NOA1: variants seen among roughly 807,000 people sequenced by gnomAD.
The protein encoded by NOA1 is nitric oxide-associated protein 1.
A neutral mutation model predicts 58.4 loss-of-function variants in NOA1; 35 were observed. That is an observed-to-expected ratio of 0.60 (90% CI 0.46 to 0.79). The LOEUF is 0.79. Ranked by LOEUF, NOA1 falls within the 30% of genes least tolerant of loss-of-function variation. NOA1 has a pLI of 0.00. For missense variants in NOA1, 895 were observed against 894.6 expected (o/e 1.00, Z -0.01); for synonymous variants, 397 against 373.4 (o/e 1.06, Z -0.73).
At chr4:56,972,635 T>C (rs924347970) in intron 3 of NOA1, among the ~76,000 whole-genome samples, 1 of 152,166 alleles carries the variant, frequency 6.6e-6, no homozygotes, top group African/African-American at 2.4e-5. Flanking sequence ...CAGTTCAAGA[T>C]GGAGGACCCC....
At chr4:56,971,663 T>C (rs1721813409) in intron 3 of NOA1, among the ~76,000 whole-genome samples, 1 of 152,174 alleles carries the variant, frequency 6.6e-6, no homozygotes, top group South Asian at 2.1e-4. Context: ...TTAATGAATC[T>C]GTTGTGAGGC....
rs756945680 is a variant in NOA1, at chr4:56,973,939, CTTT to C, written c.1225_1227del (p.Lys409del). ...AGATCTTCTTCAGCTTGAGTTGAATCTTTTTTAAGTCTTTGATGCCTTTTAAAC... is the reference window on the plus strand; with the variant it reads ...AGATCTTCTTCAGCTTGAGTTGAATCTTTAAGTCTTTGATGCCTTTTAAAC... On this transcript the variant is annotated inframe_deletion, in exon 2 of 7. Coordinates refer to ENST00000264230, the MANE Select transcript of NOA1 (RefSeq NM_032313.4). The C allele has an allele frequency of 6.2e-7, 1 of 1,613,978 alleles. No homozygotes were observed. The highest frequency in any genetic ancestry group is 1.3e-5 in the African/African-American group (1 of 75,014).
chr4:56,973,522 T>G (rs1242479149), intron 2 of NOA1, among the ~76,000 whole-genome samples, 169 bp from the exon 3 acceptor site: 1 of 152,042 alleles, frequency 6.6e-6, no homozygotes. Context: ...GAGTCAACTC[T>G]TGCAATAATC....
Position 56,964,426 on chromosome 4 carries a change from T to A in NOA1, c.1865A>T (p.Asp622Val). The change falls in exon 6 of 7, where the codon GAC becomes GTC. Residue 622 changes from aspartate (D) to valine (V), a missense_variant. Around this residue, in one of 3 missense-constraint regions of NOA1, gnomAD observed 212 missense variants for 221.3 expected, o/e 0.96. Transcript: ENST00000264230. Reference protein sequence around the residue: ...EGLGASEAVADIKFSSAGWVS... With the variant: ...EGLGASEAVAVIKFSSAGWVS... ...ATTACCTGCAGAGGAAAACTTGATG[T>A]CGGCCACTGCTTCAGATGCCCCCAG... 1 of 1,614,146 alleles carries A rather than the reference T, an allele frequency of 6.2e-7. No individual in the cohort carries two copies. The highest frequency in any genetic ancestry group is 8.5e-7 in the Non-Finnish European group (1 of 1,180,016).
intron 3 of NOA1, among the ~76,000 whole-genome samples, chr4:56,968,940 T>C (rs568653662): frequency 6.6e-6 from 1 of 152,342 alleles, no homozygotes; most frequent in Non-Finnish European, 1.5e-5. Flanking sequence ...TAAGTATGCA[T>C]GCATTAAATG....
At chr4:56,967,379 C>CAAA (rs33995434) in intron 4 of NOA1, among the ~76,000 whole-genome samples, 4 of 123,206 alleles carry the variant, frequency 3.2e-5, no homozygotes, top group Non-Finnish European at 5.2e-5. Flanking sequence ...GATGCTGTTT[C>CAAA]AAAAAAAAAA....
chr4:56,969,851 G>T (rs1721784231), intron 3 of NOA1, among the ~76,000 whole-genome samples: 1 of 151,760 alleles, frequency 6.6e-6, no homozygotes, highest in African/African-American at 2.4e-5. Context: ...TGTGATCTTG[G>T]CTCACTGCAA....
Position 56,977,537 on chromosome 4 carries a change from C to G in NOA1, c.49G>C (p.Gly17Arg). Residue 17 changes from glycine (G) to arginine (R), a missense_variant, in exon 1 of 7, where the codon GGA (glycine) becomes CGA (arginine). Coordinates refer to ENST00000264230, the MANE Select transcript of NOA1 (RefSeq NM_032313.4). Reference sequence around the variant, plus strand: ...TGGCGCGCTGCCGTGGGAGCGGATCCACGAAGGAAAAGGCTCAGCAGCCTG... The same window carrying G: ...TGGCGCGCTGCCGTGGGAGCGGATCGACGAAGGAAAAGGCTCAGCAGCCTG... The part of the protein sequence containing the change: ...PFRLLSLFLR[G>R]SAPTAARHGL... 6.2e-7 allele frequency: 1 copy of G among 1,611,942 alleles called. No individual in the cohort carries two copies. The highest frequency in any genetic ancestry group is 8.5e-7 in the Non-Finnish European group (1 of 1,179,312).
At chr4:56,972,969 C>T (rs971246492) in intron 3 of NOA1, among the ~76,000 whole-genome samples, 179 bp downstream of exon 3, 1 of 152,202 alleles carries the variant, frequency 6.6e-6, no homozygotes, top group African/African-American at 2.4e-5. Flanking sequence ...GTTTCTGAGG[C>T]TGATATGACT....
chr4:56,970,292 C>A (rs114970335), intron 3 of NOA1, among the ~76,000 whole-genome samples: 1 of 151,816 alleles, frequency 6.6e-6, no homozygotes, highest in Non-Finnish European at 1.5e-5. Context: ...GGCAACATAG[C>A]GAGGTCCTGT....
In NOA1 at chr4:56,977,294, G is replaced by A. The variant is rs1721965095; in HGVS notation, c.292C>T (p.Gln98Ter). The A allele has an allele frequency of 2.5e-6, 4 of 1,613,876 alleles. No homozygotes were observed. The highest frequency in any genetic ancestry group is 3.4e-6 in the Non-Finnish European group (4 of 1,180,008). ...EKQLQELQQQQEEEERQRQQR... is the reference protein window; with the variant it reads ...EKQLQELQQQ ...TGCCTCTGTCGCTCCTCCTCCTCCT[G>A]CTGTTGCTGGAGCTCCTGCAGCTGC... The change falls in exon 1 of 7, where the codon CAG (glutamine) becomes TAG (stop). Residue 98 changes from glutamine to a stop codon, truncating the protein, a stop_gained. Transcript: ENST00000264230. LOFTEE classifies it high-confidence loss of function.
At chr4:56,973,745 A>C in intron 2 of NOA1, 113 bp downstream of exon 2, 1 of 995,616 alleles carries the variant, frequency 1.0e-6, no homozygotes, top group Non-Finnish European at 1.5e-6. Flanking sequence ...CAGAATAAGG[A>C]AGGCAGTCTC....
Position 56,977,150 on chromosome 4 carries a change from C to G in NOA1, c.436G>C (p.Ala146Pro). Residue 146 changes from alanine (A) to proline (P), a missense_variant, in exon 1 of 7, where the codon GCA becomes CCA. Physicochemically the swap from Ala to Pro is conservative, Grantham distance 27. Around this residue, in one of 3 missense-constraint regions of NOA1, gnomAD observed 680 missense variants for 656.5 expected, o/e 1.04. Transcript: ENST00000264230. ...PSGVNCSGCG[A>P]ELHCQDAGVP... ...CCGGCGTCCTGGCAGTGCAGCTCTGCCCCACAGCCCGAGCAGTTCACGCCG... is the reference window on the plus strand; with the variant it reads ...CCGGCGTCCTGGCAGTGCAGCTCTGGCCCACAGCCCGAGCAGTTCACGCCG... 18 of 1,557,310 alleles carry G rather than the reference C, an allele frequency of 1.2e-5. No individual in the cohort carries two copies. Among genetic ancestry groups the G allele is most frequent in the Non-Finnish European group, 1.6e-5 (18 of 1,155,932 alleles).
chr4:56,972,417 G>T (rs17087335), intron 3 of NOA1, among the ~76,000 whole-genome samples: 31,374 of 152,094 alleles, frequency 0.21, 3,353 homozygotes, highest in East Asian at 0.4. Flanking sequence ...GATAGGTGAA[G>T]AAGAGATGGG....
Position 56,967,970 on chromosome 4 carries a change from T to C in NOA1, c.1647+414A>G, listed in dbSNP as rs1257832887. Among the ~76,000 whole-genome samples the C allele has an allele frequency of 3.3e-5, 5 of 150,512 alleles. No homozygotes were observed. In the Admixed American group the frequency reaches 3.4e-4, roughly 10 times the overall value. ...TCTCGCCCCATCACCCAGGCTGGAG[T>C]GCAGTGGTGCAATTTCAGCTCACTG... On this transcript the variant is annotated intron_variant, in intron 4 of 6. Coordinates refer to ENST00000264230, the MANE Select transcript of NOA1 (RefSeq NM_032313.4).
chr4:56,976,382 G>C, intron 1 of NOA1, 60 bp downstream of exon 1: 1 of 1,476,604 alleles, frequency 6.8e-7, no homozygotes, highest in Non-Finnish European at 9.2e-7. Context: ...TCGGTGCCTC[G>C]GCCAGGACCA....
intron 5 of NOA1, among the ~76,000 whole-genome samples, chr4:56,966,300 T>A (rs563542586): frequency 6.6e-6 from 1 of 152,046 alleles, no homozygotes; most frequent in Non-Finnish European, 1.5e-5. Flanking sequence ...GCTGGGATTA[T>A]AGGCGTGAGC....
chr4:56,963,392 A>G lies in NOA1; in HGVS notation c.*58T>C, dbSNP rs966905903. On this transcript the variant is annotated 3_prime_UTR_variant, in exon 7 of 7. Coordinates refer to ENST00000264230, the MANE Select transcript of NOA1 (RefSeq NM_032313.4). ...TTTATGCGTTATATGTTTAATACAAATTCAATGTATTTTGTTGTGTTCAAT... is the reference window on the plus strand; with the variant it reads ...TTTATGCGTTATATGTTTAATACAAGTTCAATGTATTTTGTTGTGTTCAAT... 9 of 1,333,016 alleles carry G rather than the reference A, an allele frequency of 6.8e-6. No homozygotes were observed. Among genetic ancestry groups the G allele is most frequent in the Non-Finnish European group, 9.7e-6 (9 of 931,670 alleles). The allele number at this position is 1,333,016 out of a possible 1,614,324, so 82.6% of individuals were successfully genotyped here.
intron 4 of NOA1, 126 bp downstream of exon 4, chr4:56,968,258 C>T: frequency 9.6e-7 from 1 of 1,045,418 alleles, no homozygotes; most frequent in South Asian, 1.5e-5. Flanking sequence ...AACATAAAAA[C>T]AAATTAAACC....
Sources: gnomAD v4.1 joint callset for allele counts (sites outside exome capture counted in the v4.1 genomes callset) on GRCh38, gnomAD v4.1.1 for gene constraint, gnomAD v4.1.1 regional missense constraint, MANE v1.5 for transcripts, NCBI Gene and HGNC (gene_info 2026-07-23, HGNC 2026-07-21) for gene names.